ARHGEF25: variants seen among roughly 807,000 people sequenced by gnomAD.
ARHGEF25 encodes the protein RAC/CDC42 exchange factor.
In ARHGEF25, 42 loss-of-function variants were observed where a neutral mutation model predicts 74.0. That is an observed-to-expected ratio of 0.57 (90% CI 0.44 to 0.73). The LOEUF (loss-of-function observed/expected upper bound fraction) is 0.73, where lower values mean the gene tolerates loss of function less well. Among genes scored for constraint, ARHGEF25 ranks in the 30% least tolerant of loss-of-function variants. ARHGEF25 has a pLI of 0.00. For missense variants in ARHGEF25, 645 were observed against 725.5 expected (o/e 0.89, Z 1.27); for synonymous variants, 293 against 278.6 (o/e 1.05, Z -0.51).
upstream of ARHGEF25, chr12:57,610,458 T>G (rs936282531): frequency 1.2e-5 from 14 of 1,124,462 alleles, no homozygotes; most frequent in Non-Finnish European, 1.6e-5. Flanking sequence ...CATAGCCCCG[T>G]TCTGGGCGAG....
Position 57,615,942 on chromosome 12 carries a change from G to C in ARHGEF25, c.1345G>C (p.Ala449Pro), listed in dbSNP as rs747697380. 6.2e-7 allele frequency: 1 copy of C among 1,614,076 alleles called. No individual in the cohort carries two copies. The change falls in exon 13 of 15, where the codon GCA becomes CCA. Residue 449 changes from alanine (A) to proline (P), a missense_variant. Transcript: ENST00000286494. ...GGIQRYVLQA[A>P]DPAISQAWIK... ...GATCCAGCGCTATGTCCTGCAGGCT[G>C]CAGACCCTGCTATCAGTCAGGCCTG...
Position 57,614,983 on chromosome 12 carries a change from A to T in ARHGEF25, c.926A>T (p.Tyr309Phe). The change falls in exon 10 of 15, where the codon TAC (tyrosine) becomes TTC (phenylalanine). Residue 309 changes from tyrosine to phenylalanine, a missense_variant. Physicochemically the swap from Tyr to Phe is conservative, Grantham distance 22. This residue lies in a region of ARHGEF25 where 194 missense variants were observed against 269.4 expected (regional missense o/e 0.72). Transcript: ENST00000286494. This position sits in a 1 kb window ranked among gnomAD's most constrained non-coding sequence, Gnocchi z 4.6. ...QLLLKDFLKYYNRAGMDTADL... is the reference protein window; with the variant it reads ...QLLLKDFLKYFNRAGMDTADL... ...CTGTCTTAGGATTTTCTCAAGTATT[A>T]CAATAGAGCTGGGATGGATACTGCA... The T allele has an allele frequency of 6.2e-7, 1 of 1,614,088 alleles. No homozygotes were observed. Among genetic ancestry groups the T allele is most frequent in the Middle Eastern group, 1.7e-4 (1 of 6,060 alleles).
Position 57,616,993 on chromosome 12 carries a change from G to C in ARHGEF25, c.*99G>C. On this transcript the variant is annotated 3_prime_UTR_variant, in exon 15 of 15. Coordinates refer to ENST00000286494, the MANE Select transcript of ARHGEF25 (RefSeq NM_182947.4). ...ACTGCTCCAGAATTCCTCCTTCTTG[G>C]TGTGTCTGGAGGGTGGGCAAGGCTG... 1.0e-6 allele frequency: 1 copy of C among 977,986 alleles called. No individual in the cohort carries two copies. The highest frequency in any genetic ancestry group is 1.6e-6 in the Non-Finnish European group (1 of 630,524). 60.6% of individuals were successfully genotyped at this position (977,986 alleles called of 1,614,324 possible).
chr12:57,611,631 CGA>C lies in ARHGEF25; in HGVS notation c.-263_-262del. ...ACATCTGGACCCTAGGCCCCCGCAC[CGA>C]CAGGGTTCCGGAAACCCTCCCCGCC... On this transcript the variant is annotated 5_prime_UTR_variant, in exon 1 of 15. Coordinates refer to ENST00000286494, the MANE Select transcript of ARHGEF25 (RefSeq NM_182947.4). This position sits in a 1 kb window ranked among gnomAD's most constrained non-coding sequence, Gnocchi z 4.5. 1 of 1,059,018 alleles carries C rather than the reference CGA, an allele frequency of 9.4e-7. No homozygotes were observed. Among genetic ancestry groups the C allele is most frequent in the East Asian group, 6.2e-5 (1 of 16,116 alleles). The allele number at this position is 1,059,018 out of a possible 1,614,324, so 65.6% of individuals were successfully genotyped here. A position where few individuals can be genotyped will look rare whatever the true frequency, so the allele number is the denominator to read the frequency against.
intron 14 of ARHGEF25, 30 bp downstream of exon 14, chr12:57,616,525 G>A (rs757855648): frequency 6.3e-7 from 1 of 1,592,944 alleles, no homozygotes; most frequent in African/African-American, 1.3e-5. Flanking sequence ...CTCATTGTAG[G>A]GATAAAAAGG....
At position 57,611,828 on chromosome 12, in the gene ARHGEF25, G is replaced by C. The variant is rs1178758855; in HGVS notation, c.-67G>C. The stretch of plus-strand genomic sequence containing the variant: ...GGGGTGTGCGCCCGGCGCCGTCCCC[G>C]CCCCGCCCCCCGTGATTCCCCCTGC... On this transcript the variant is annotated 5_prime_UTR_variant, in exon 1 of 15. Coordinates refer to ENST00000286494, the MANE Select transcript of ARHGEF25 (RefSeq NM_182947.4). The surrounding 1 kb of genome is among the most constrained non-coding windows in gnomAD (Gnocchi z 4.5). The C allele has an allele frequency of 2.5e-6, 3 of 1,185,162 alleles. No individual in the cohort carries two copies. The African/African-American group carries it at 4.8e-5, about 19-fold the overall frequency. 73.4% of individuals were successfully genotyped at this position (1,185,162 alleles called of 1,614,324 possible).
rs1594960343 is a variant in ARHGEF25 at position 57,614,045 on chromosome 12, G to T, written c.582G>T (p.Gly194=). The T allele has an allele frequency of 6.2e-7, 1 of 1,614,040 alleles. No homozygotes were observed. Among genetic ancestry groups the T allele is most frequent in the Non-Finnish European group, 8.5e-7 (1 of 1,179,994 alleles). Residue 194 remains glycine (G), a synonymous_variant, in exon 6 of 15, where the codon GGG becomes GGT. Transcript: ENST00000286494. This position sits in a 1 kb window ranked among gnomAD's most constrained non-coding sequence, Gnocchi z 4.6. ...ATATGGCCACCATGGCTGCTCAGGG[G>T]GTCCCCGAGAGTCTTCGAGGCCGTG... is the stretch of plus-strand genomic sequence containing the variant. ...EGYMATMAAQ[G]VPESLRGRDR...
In ARHGEF25 at chr12:57,611,664, C is replaced by A; in HGVS notation, c.-231C>A. Reference sequence around the variant, plus strand: ...TTCCGGAAACCCTCCCCGCCCAGCCCGGCGGCCGGGCCCCGCGCCTCTCTC... The same window carrying A: ...TTCCGGAAACCCTCCCCGCCCAGCCAGGCGGCCGGGCCCCGCGCCTCTCTC... On this transcript the variant is annotated 5_prime_UTR_variant, in exon 1 of 15. Coordinates refer to ENST00000286494, the MANE Select transcript of ARHGEF25 (RefSeq NM_182947.4). The surrounding 1 kb of genome is among the most constrained non-coding windows in gnomAD (Gnocchi z 4.5). The A allele has an allele frequency of 9.9e-6, 11 of 1,110,640 alleles. No homozygotes were observed. The highest frequency in any genetic ancestry group is 1.2e-5 in the Non-Finnish European group (11 of 910,248). The allele number at this position is 1,110,640 out of a possible 1,614,324, so 68.8% of individuals were successfully genotyped here. A position where few individuals can be genotyped will look rare whatever the true frequency, so the allele number is the denominator to read the frequency against.
Position 57,616,862 on chromosome 12 carries a change from AGACTTGCCAAGCTG to A in ARHGEF25, c.1714_1727del (p.Leu572Ter). ...TCCAAAAACCCCTCCCTGCCAAGCCAGACTTGCCAAGCTGGATGAAGATGAGCTGTAACTGGTGA... is the reference window on the plus strand; with the variant it reads ...TCCAAAAACCCCTCCCTGCCAAGCCAGATGAAGATGAGCTGTAACTGGTGA... On this transcript the variant is annotated frameshift_variant, in exon 15 of 15. Coordinates refer to ENST00000286494, the MANE Select transcript of ARHGEF25 (RefSeq NM_182947.4). LOFTEE classifies it high-confidence loss of function. 6.2e-7 allele frequency: 1 copy of A among 1,614,082 alleles called. No individual in the cohort carries two copies. Among genetic ancestry groups the A allele is most frequent in the South Asian group, 1.1e-5 (1 of 91,076 alleles).
chr12:57,610,914 G>T (rs1274648564), upstream of ARHGEF25, among the ~76,000 whole-genome samples: 1 of 152,146 alleles, frequency 6.6e-6, no homozygotes, highest in East Asian at 1.9e-4. Flanking sequence ...CTGGCCCCTC[G>T]CCAGCCCGGG....
rs1311297694 is a variant in ARHGEF25 at position 57,615,346 on chromosome 12, G to A, written c.1038+32G>A. The A allele has an allele frequency of 3.8e-6, 6 of 1,588,822 alleles. No homozygotes were observed. In the Admixed American group the frequency reaches 5.3e-5, roughly 14 times the overall value. On this transcript the variant is annotated intron_variant, in intron 11 of 14. Transcript: ENST00000286494. ...AGATAGGGCAAGAAACTGGAGGCCC[G>A]ATGCTCTTCTGCCCCAGCCCTAGCA...
At position 57,615,777 on chromosome 12, in the gene ARHGEF25, C is replaced by T. The variant is rs142093708; in HGVS notation, c.1240-60C>T. On this transcript the variant is annotated intron_variant, in intron 12 of 14. Transcript: ENST00000286494. ...GGGCATGAGGCCTCTGAGAGGATGT[C>T]TCAGAGGAGCCAGGGAGGGCCTGAG... The T allele has an allele frequency of 1.3e-4, 213 of 1,612,576 alleles. 4 individuals carry two copies. The African/African-American group carries it at 2.4e-3, about 18-fold the overall frequency.
In ARHGEF25 at chr12:57,614,178, G is replaced by T. The variant is rs1211566323; in HGVS notation, c.656+59G>T. The T allele has an allele frequency of 6.3e-6, 10 of 1,597,416 alleles. No homozygotes were observed. The highest frequency in any genetic ancestry group is 7.7e-6 in the Non-Finnish European group (9 of 1,165,150). ...AGAGGGGCCCTCATCTGGTTGTCCT[G>T]TATCCTAACATCAGCCCATTGCGAC... On this transcript the variant is annotated intron_variant, in intron 6 of 14. Transcript: ENST00000286494. The surrounding 1 kb of genome is among the most constrained non-coding windows in gnomAD (Gnocchi z 4.6).
At chr12:57,610,179 C>T (rs756484777), upstream of ARHGEF25, 43 of 1,363,360 alleles carry the variant, frequency 3.2e-5, no homozygotes, top group African/African-American at 5.1e-4. Context: ...TTCAGTGCCC[C>T]CTCGACCCTG....
intron 1 of ARHGEF25, 40 bp from the exon 2 acceptor site, chr12:57,612,890 G>C (rs1298700844): frequency 1.3e-6 from 2 of 1,592,508 alleles, no homozygotes; most frequent in East Asian, 2.2e-5. Flanking sequence ...TCTGGAGCTG[G>C]GGCAAGGTCT....
At position 57,614,050 on chromosome 12, in the gene ARHGEF25, C is replaced by G. The variant is rs373514799; in HGVS notation, c.587C>G (p.Pro196Arg). 19 of 1,613,948 alleles carry G rather than the reference C, an allele frequency of 1.2e-5. No homozygotes were observed. Among genetic ancestry groups the G allele is most frequent in the Non-Finnish European group, 1.6e-5 (19 of 1,180,002 alleles). Residue 196 changes from proline to arginine, a missense_variant, in exon 6 of 15, where the codon CCC (proline) becomes CGC (arginine). Pro to Arg is a moderately radical substitution (Grantham distance 103). Coordinates refer to ENST00000286494, the MANE Select transcript of ARHGEF25 (RefSeq NM_182947.4). This position sits in a 1 kb window ranked among gnomAD's most constrained non-coding sequence, Gnocchi z 4.6. ...YMATMAAQGV[P>R]ESLRGRDRIV... ...GCCACCATGGCTGCTCAGGGGGTCC[C>G]CGAGAGTCTTCGAGGCCGTGACAGG...
chr12:57,611,998 G>A lies in ARHGEF25; in HGVS notation c.97+7G>A. 7.8e-7 allele frequency: 1 copy of A among 1,289,816 alleles called. No individual in the cohort carries two copies. The allele number at this position is 1,289,816 out of a possible 1,614,324, so 79.9% of individuals were successfully genotyped here. ...TTCGCCCGGGGGGGACGTGGTGAGT[G>A]CCAGGTCGAGAGGGTCCAGTGTTGA... On this transcript the variant is annotated splice_region_variant and intron_variant, in intron 1 of 14. Transcript: ENST00000286494. This position sits in a 1 kb window ranked among gnomAD's most constrained non-coding sequence, Gnocchi z 4.5.
Position 57,611,736 on chromosome 12 carries a change from C to A in ARHGEF25, c.-159C>A. The A allele has an allele frequency of 5.9e-6, 7 of 1,192,006 alleles. No homozygotes were observed. The highest frequency in any genetic ancestry group is 7.3e-6 in the Non-Finnish European group (7 of 962,266). The allele number at this position is 1,192,006 out of a possible 1,614,324, so 73.8% of individuals were successfully genotyped here. A position where few individuals can be genotyped will look rare whatever the true frequency, so the allele number is the denominator to read the frequency against. ...CTCAAGACTAGACTTCCGCCTACCC[C>A]TGGACACCTCCTCCCGGTCCCCTCC... On this transcript the variant is annotated 5_prime_UTR_variant, in exon 1 of 15. It adds an upstream start codon to the 5' untranslated region. Transcript: ENST00000286494. The surrounding 1 kb of genome is among the most constrained non-coding windows in gnomAD (Gnocchi z 4.5).
At chr12:57,610,354 G>A (rs1883988650), upstream of ARHGEF25, 5 of 1,380,648 alleles carry the variant, frequency 3.6e-6, no homozygotes, top group Non-Finnish European at 4.9e-6. Context: ...GGGGTCTTTC[G>A]GGGCCTTCAG....
Sources: allele counts gnomAD v4.1 joint callset (sites outside exome capture counted in the v4.1 genomes callset), GRCh38; gene constraint gnomAD v4.1.1; regional missense constraint gnomAD v4.1.1; non-coding constraint Gnocchi (gnomAD v3.1); transcripts MANE v1.5; gene names NCBI Gene and HGNC (gene_info 2026-07-23, HGNC 2026-07-21).